Variants in VEPH1 observed in about 807,000 individuals in gnomAD.
The protein encoded by VEPH1 is ventricular zone-expressed PH domain-containing protein homolog 1.
Under a neutral mutation model 85.2 loss-of-function variants are expected in VEPH1, and 80 were observed. The ratio of observed to expected loss-of-function variants is 0.94; its 90% CI spans 0.78 to 1.13. The LOEUF is 1.13. Among genes scored for constraint, VEPH1 ranks in the 50% most tolerant of loss-of-function variants. The pLI, the probability that VEPH1 is intolerant of heterozygous loss-of-function variation, is 0.00. For synonymous variants in VEPH1, 297 were observed against 348.0 expected (o/e 0.85, Z 1.63); for missense variants, 955 against 980.5 (o/e 0.97, Z 0.35).
intron 6 of VEPH1, among the ~76,000 whole-genome samples, chr3:157,401,313 T>C (rs1730776479): frequency 6.6e-6 from 1 of 152,148 alleles, no homozygotes. Context: ...TATATGCTTT[T>C]AGCTCATTAG....
rs541350241 is a variant in VEPH1, at chr3:157,483,745, AC to A, written c.138+11466del. Among the ~76,000 whole-genome samples the A allele has an allele frequency of 4.8e-3, 732 of 152,252 alleles. 2 individuals carry two copies. The highest frequency in any genetic ancestry group is 7.6e-3 in the Non-Finnish European group (516 of 67,994). On this transcript the variant is annotated intron_variant, in intron 2 of 13. Coordinates refer to ENST00000362010, the MANE Select transcript of VEPH1 (RefSeq NM_001167912.2). Reference sequence around the variant, plus strand: ...CAAGAAATATTGAAGATAAAATAGGACAGAATACGACGGATAGGAGGGCGAT... The same window carrying A: ...CAAGAAATATTGAAGATAAAATAGGAAGAATACGACGGATAGGAGGGCGAT...
At position 157,495,467 on chromosome 3, in the gene VEPH1, G is replaced by A. The variant is rs1739593646; in HGVS notation, c.-118C>T. On this transcript the variant is annotated 5_prime_UTR_variant, in exon 2 of 14. Transcript: ENST00000362010. Reference sequence around the variant, plus strand: ...AGGTATACTTCTTATTCCATGAAAGGTCATTTTTCTCCAGACTTTGAGGTC... The same window carrying A: ...AGGTATACTTCTTATTCCATGAAAGATCATTTTTCTCCAGACTTTGAGGTC... 1 of 1,505,438 alleles carries A rather than the reference G, an allele frequency of 6.6e-7. No homozygotes were observed. The highest frequency in any genetic ancestry group is 1.4e-5 in the African/African-American group (1 of 71,664). 93.3% of individuals were successfully genotyped at this position (1,505,438 alleles called of 1,614,324 possible).
chr3:157,272,370 C>CTTTTT (rs1553754660), intron 12 of VEPH1, among the ~76,000 whole-genome samples: 1 of 111,284 alleles, frequency 9.0e-6, no homozygotes, highest in Non-Finnish European at 1.8e-5. Context: ...CTTTCTTTCT[C>CTTTTT]TTTCTTTTCT....
intron 7 of VEPH1, among the ~76,000 whole-genome samples, chr3:157,369,559 G>A (rs1266455356): frequency 6.6e-6 from 1 of 152,150 alleles, no homozygotes; most frequent in East Asian, 1.9e-4. Flanking sequence ...TCTCCAGATG[G>A]GTCAAAGGGA....
intron 12 of VEPH1, among the ~76,000 whole-genome samples, chr3:157,282,189 T>G (rs186491738): frequency 9.9e-5 from 15 of 152,262 alleles, no homozygotes; most frequent in Admixed American, 3.3e-4. Flanking sequence ...TATTTATTTA[T>G]TTAGTTAATT....
Position 157,495,333 on chromosome 3 carries a change from C to A in VEPH1, c.17G>T (p.Arg6Ile). The A allele has an allele frequency of 6.2e-7, 1 of 1,613,986 alleles. No homozygotes were observed. Among genetic ancestry groups the A allele is most frequent in the Non-Finnish European group, 8.5e-7 (1 of 1,179,890 alleles). Residue 6 changes from arginine to isoleucine, a missense_variant, in exon 2 of 14, where the codon AGA becomes ATA. By Grantham distance (97) the Arg-to-Ile change is moderately conservative (BLOSUM62 -3). Coordinates refer to ENST00000362010, the MANE Select transcript of VEPH1 (RefSeq NM_001167912.2). MHQLF[R>I]LVLGQKDLSR... is the part of the protein sequence containing the mutation. ...AAGATCTTTTTGTCCCAAAACCAGT[C>A]TGAACAGTTGATGCATGGTGAGGAT...
chr3:157,266,581 C>T (rs889834244), intron 12 of VEPH1, among the ~76,000 whole-genome samples: 4 of 152,174 alleles, frequency 2.6e-5, no homozygotes, highest in Non-Finnish European at 5.9e-5. Context: ...AATCACCAAG[C>T]ATCTAACATG....
At chr3:157,503,219 T>G (rs1057065044) in intron 1 of VEPH1, 58 bp downstream of exon 1, 2 of 152,266 alleles carry the variant, frequency 1.3e-5, no homozygotes, top group Non-Finnish European at 2.9e-5. Context: ...CTCTGACATT[T>G]ACTTTAATTA....
chr3:157,343,676 A>G (rs1254749189), intron 9 of VEPH1, among the ~76,000 whole-genome samples: 1 of 152,226 alleles, frequency 6.6e-6, no homozygotes, highest in African/African-American at 2.4e-5. Context: ...AACTCATTTT[A>G]TGAGGCCAGC....
intron 6 of VEPH1, among the ~76,000 whole-genome samples, chr3:157,400,931 A>T (rs1577569546): frequency 6.6e-6 from 1 of 152,154 alleles, no homozygotes; most frequent in Admixed American, 6.6e-5. Context: ...AGAATGAATT[A>T]TACTTAGCCA....
Position 157,381,186 on chromosome 3 carries a change from T to C in VEPH1, c.1097A>G (p.Gln366Arg), listed in dbSNP as rs1329264685. 1.2e-6 allele frequency: 2 copies of C among 1,613,890 alleles called. No individual in the cohort carries two copies. Among genetic ancestry groups the C allele is most frequent in the Non-Finnish European group, 8.5e-7 (1 of 1,180,002 alleles). Residue 366 changes from glutamine to arginine, a missense_variant, in exon 7 of 14, where the codon CAA becomes CGA. By Grantham distance (43) the Gln-to-Arg change is conservative. Transcript: ENST00000362010. ...FTAIAKLLTR[Q>R]LENTKAGSGR... ...ACTTCCAGCCTTGGTATTTTCCAGT[T>C]GTCGGGTAAGGAGTTTAGCAATGGC...
chr3:157,390,588 A>C (rs1361825330), intron 6 of VEPH1, among the ~76,000 whole-genome samples: 1 of 152,228 alleles, frequency 6.6e-6, no homozygotes, highest in Middle Eastern at 3.2e-3. Flanking sequence ...GCCATTTGGA[A>C]ATAGCAAGAT....
Position 157,270,613 on chromosome 3 carries a change from G to C in VEPH1, c.2129-4951C>G, listed in dbSNP as rs115492030. On this transcript the variant is annotated intron_variant, in intron 12 of 13. Transcript: ENST00000362010. The stretch of plus-strand genomic sequence containing the variant: ...TTGATGAGTAAGTATAATAATAACA[G>C]GTCTCCCAGAGCTGAGAAGACCCAC... 1.5e-3 allele frequency among the ~76,000 whole-genome samples: 227 copies of C among 152,124 alleles called. 1 individual carries two copies. Among genetic ancestry groups the C allele is most frequent in the African/African-American group, 4.3e-3 (178 of 41,490 alleles).
chr3:157,413,062 C>A (rs901704096), intron 6 of VEPH1, among the ~76,000 whole-genome samples: 2 of 151,964 alleles, frequency 1.3e-5, no homozygotes, highest in African/African-American at 2.4e-5. Flanking sequence ...AAAAGTTGGA[C>A]AATTTTATAC....
At chr3:157,442,401 A>G (rs371933507) in intron 4 of VEPH1, 8 of 1,613,596 alleles carry the variant, frequency 5.0e-6, no homozygotes, top group Non-Finnish European at 6.8e-6. Context: ...AATGCGTTCC[A>G]AGAAGATTTT....
intron 4 of VEPH1, chr3:157,442,643 G>T (rs765126886): frequency 7.4e-6 from 12 of 1,614,230 alleles, no homozygotes; most frequent in Non-Finnish European, 1.0e-5. Flanking sequence ...GGACCCACCT[G>T]TGCGGCACCT....
intron 6 of VEPH1, among the ~76,000 whole-genome samples, chr3:157,404,372 A>C (rs1272940926): frequency 1.3e-5 from 2 of 152,182 alleles, no homozygotes; most frequent in Non-Finnish European, 2.9e-5. Flanking sequence ...ATCAGATGCT[A>C]AACTCTGTGT....
chr3:157,393,593 A>T (rs1431216449), intron 6 of VEPH1, among the ~76,000 whole-genome samples: 1 of 152,182 alleles, frequency 6.6e-6, no homozygotes, highest in Non-Finnish European at 1.5e-5. Context: ...CACATAGCAA[A>T]TATTCAATGA....
intron 12 of VEPH1, among the ~76,000 whole-genome samples, chr3:157,281,080 A>ATGTG (rs1312086433): frequency 1.5e-5 from 2 of 136,188 alleles, no homozygotes; most frequent in African/African-American, 5.4e-5. Context: ...GTGTGTGCAT[A>ATGTG]TGTGTGCGTG....
Sources: gnomAD v4.1 joint callset for allele counts (sites outside exome capture counted in the v4.1 genomes callset) on GRCh38, gnomAD v4.1.1 for gene constraint, MANE v1.5 for transcripts, NCBI Gene and HGNC (gene_info 2026-07-23, HGNC 2026-07-21) for gene names.